KCNH1: variants seen among roughly 807,000 people sequenced by gnomAD.
KCNH1 encodes voltage-gated delayed rectifier potassium channel KCNH1.
A neutral mutation model predicts 69.2 loss-of-function variants in KCNH1; 27 were observed. The ratio of observed to expected loss-of-function variants is 0.39; its 90% confidence interval spans 0.29 to 0.54. KCNH1 has a LOEUF of 0.54. Ranked by LOEUF, KCNH1 falls within the 20% of genes least tolerant of loss-of-function variation. KCNH1 has a pLI of 0.68. For synonymous variants in KCNH1, 456 were observed against 487.7 expected, an observed-to-expected ratio of 0.93 and a Z score of 0.86; for missense variants, 798 against 1,261.6, an observed-to-expected ratio of 0.63 and a Z score of 5.57.
chr1:211,019,297 T>C (rs1412564828), intron 5 of KCNH1, 41 bp from the exon 6 acceptor site: 2 of 1,327,732 alleles, frequency 1.5e-6, no homozygotes, highest in Admixed American at 3.9e-5. Context: ...TAAGTTAGGA[T>C]TTAATTGCAA....
At chr1:210,760,925 C>G (rs755040907) in intron 10 of KCNH1, among the ~76,000 whole-genome samples, 2 of 152,114 alleles carry the variant, frequency 1.3e-5, no homozygotes, top group Non-Finnish European at 2.9e-5. Flanking sequence ...AGAACACAGT[C>G]AAATCATATC....
chr1:211,042,387 A>G (rs145231004), intron 5 of KCNH1, among the ~76,000 whole-genome samples: 1 of 152,272 alleles, frequency 6.6e-6, no homozygotes, highest in Non-Finnish European at 1.5e-5. Flanking sequence ...TACCATCACA[A>G]AATTGGTCCT....
At chr1:210,853,405 A>G (rs1025298780) in intron 7 of KCNH1, among the ~76,000 whole-genome samples, 1 of 152,216 alleles carries the variant, frequency 6.6e-6, no homozygotes, top group Non-Finnish European at 1.5e-5. Flanking sequence ...AGGCTTGGCC[A>G]CTGAGGCAGA....
intron 5 of KCNH1, chr1:211,063,251 ATAAT>A (rs1690464989): frequency 6.6e-6 from 1 of 152,200 alleles, no homozygotes; most frequent in African/African-American, 2.4e-5. Flanking sequence ...GCCCAAAAAA[ATAAT>A]TAAACTCATG....
At position 210,837,892 on chromosome 1, in the gene KCNH1, C is replaced by G. The variant is rs185754636; in HGVS notation, c.1463-33726G>C. ...ACTGCAACTAATAAATGCTAGGTAT[C>G]ATTGTTGTTATTTTATGAAAATGCT... On this transcript the variant is annotated intron_variant, in intron 7 of 10. Coordinates refer to ENST00000271751, the MANE Select transcript of KCNH1 (RefSeq NM_172362.3). Among the ~76,000 whole-genome samples the G allele has an allele frequency of 3.0e-4, 46 of 152,266 alleles. No homozygotes were observed. In the East Asian group the frequency reaches 8.3e-3, roughly 27 times the overall value.
intron 7 of KCNH1, among the ~76,000 whole-genome samples, chr1:210,829,053 T>C (rs74156835): frequency 0.062 from 9,439 of 152,208 alleles, 583 homozygotes; most frequent in African/African-American, 0.14. Flanking sequence ...GTGTAGAGTA[T>C]TCAATGTTAT....
intron 7 of KCNH1, among the ~76,000 whole-genome samples, chr1:210,883,953 C>T (rs1490699696): frequency 2.6e-5 from 4 of 152,224 alleles, no homozygotes; most frequent in African/African-American, 4.8e-5. Context: ...AGGCAAACCT[C>T]TTCCTCCCAG....
intron 6 of KCNH1, among the ~76,000 whole-genome samples, chr1:210,982,699 T>C (rs985762921): frequency 6.6e-6 from 1 of 152,218 alleles, no homozygotes; most frequent in Admixed American, 6.5e-5. Context: ...TTCCAAGTCT[T>C]TGCTATTGTG....
intron 1 of KCNH1, among the ~76,000 whole-genome samples, chr1:211,125,349 C>CTGATT (rs1691758797): frequency 6.6e-6 from 1 of 152,034 alleles, no homozygotes; most frequent in Non-Finnish European, 1.5e-5. Context: ...GTACCTTGGC[C>CTGATT]CACACAGAGG....
At chr1:211,047,250 A>G (rs1159218104) in intron 5 of KCNH1, among the ~76,000 whole-genome samples, 1 of 152,222 alleles carries the variant, frequency 6.6e-6, no homozygotes, top group Non-Finnish European at 1.5e-5. Flanking sequence ...ACACCACACG[A>G]ATATCCTGAA....
At chr1:210,761,247 G>GT (rs1683511485) in intron 10 of KCNH1, among the ~76,000 whole-genome samples, 1 of 29,418 alleles carries the variant, frequency 3.4e-5, no homozygotes, top group Non-Finnish European at 7.1e-5. Flanking sequence ...GCGAGACTCC[G>GT]TCAAAAAAAA....
intron 6 of KCNH1, among the ~76,000 whole-genome samples, chr1:210,950,817 T>C (rs1031543656): frequency 1.2e-4 from 19 of 152,282 alleles, no homozygotes; most frequent in African/African-American, 4.6e-4. Flanking sequence ...CGATTTAATA[T>C]AGAAACAACT....
chr1:210,980,016 TGGCA>T (rs1239693785), intron 6 of KCNH1, among the ~76,000 whole-genome samples: 1 of 152,222 alleles, frequency 6.6e-6, no homozygotes, highest in East Asian at 1.9e-4. Context: ...ATTTGTAACT[TGGCA>T]ACATTATTAA....
intron 5 of KCNH1, among the ~76,000 whole-genome samples, chr1:211,063,203 C>T (rs1690463381): frequency 6.6e-6 from 1 of 151,984 alleles, no homozygotes. Context: ...AAGTCAAGCG[C>T]AGAAAGATAA....
intron 7 of KCNH1, among the ~76,000 whole-genome samples, chr1:210,889,584 G>A (rs543277465): frequency 1.5e-4 from 23 of 152,296 alleles, no homozygotes; most frequent in African/African-American, 3.8e-4. Context: ...GAAATAAAGC[G>A]TATTCAAATA....
At chr1:210,760,235 A>G (rs1683489089) in intron 10 of KCNH1, among the ~76,000 whole-genome samples, 1 of 152,178 alleles carries the variant, frequency 6.6e-6, no homozygotes, top group South Asian at 2.1e-4. Context: ...GAAAGAAAAA[A>G]AATCTTAAAG....
chr1:210,832,555 A>G (rs985759778), intron 7 of KCNH1, among the ~76,000 whole-genome samples: 6 of 152,204 alleles, frequency 3.9e-5, no homozygotes, highest in Non-Finnish European at 8.8e-5. Context: ...CAAATATTTT[A>G]AAAGATAACC....
intron 6 of KCNH1, among the ~76,000 whole-genome samples, chr1:210,981,290 T>A (rs1202099342): frequency 6.8e-6 from 1 of 146,908 alleles, no homozygotes; most frequent in Non-Finnish European, 1.5e-5. Flanking sequence ...AAACTCAGCA[T>A]TAGAGACATG....
chr1:210,742,831 C>A (rs1443593041), intron 10 of KCNH1, among the ~76,000 whole-genome samples: 1 of 151,920 alleles, frequency 6.6e-6, no homozygotes, highest in Non-Finnish European at 1.5e-5. Context: ...AGGCTCAGTT[C>A]ATGGTGTGTG....
Sources: gnomAD v4.1 joint callset for allele counts (sites outside exome capture counted in the v4.1 genomes callset) on GRCh38, gnomAD v4.1.1 for gene constraint, MANE v1.5 for transcripts, NCBI Gene and HGNC (gene_info 2026-07-23, HGNC 2026-07-21) for gene names.